PLXNA1: variants seen among roughly 807,000 people sequenced by gnomAD.
The protein encoded by PLXNA1 is plexin A1.
Under a neutral mutation model 191.7 loss-of-function variants are expected in PLXNA1, and 77 were observed. The observed-to-expected ratio is 0.40, with a 90% confidence interval of 0.33 to 0.49. The LOEUF (loss-of-function observed/expected upper bound fraction) is 0.49, where lower values mean the gene tolerates loss of function less well. Ranked by LOEUF, PLXNA1 falls within the 20% of genes least tolerant of loss-of-function variation. PLXNA1 has a pLI of 0.63. For missense variants in PLXNA1, 2,110 were observed against 2,660.2 expected, an observed-to-expected ratio of 0.79 and a Z score of 4.55; for synonymous variants, 1,137 against 1,156.4, an observed-to-expected ratio of 0.98 and a Z score of 0.34.
chr3:127,028,663 G>A (rs905220334), intron 25 of PLXNA1: 5 of 524,526 alleles, frequency 9.5e-6, no homozygotes, highest in Non-Finnish European at 1.7e-5. Context: ...GGACGGGTTT[G>A]GGGTGGGGCC....
chr3:127,021,863 A>G (rs1239401677), intron 21 of PLXNA1, among the ~76,000 whole-genome samples: 1 of 152,166 alleles, frequency 6.6e-6, no homozygotes, highest in Non-Finnish European at 1.5e-5. Context: ...GGCAACAGGC[A>G]GTGGTGGCAG....
chr3:126,991,788 G>A (rs925853041), intron 3 of PLXNA1, among the ~76,000 whole-genome samples: 12 of 152,166 alleles, frequency 7.9e-5, no homozygotes, highest in Admixed American at 7.2e-4. Flanking sequence ...CACTAAGCAA[G>A]GACACTTTGA....
At chr3:127,022,455 G>A in intron 22 of PLXNA1, 114 bp downstream of exon 22, 1 of 1,363,764 alleles carries the variant, frequency 7.3e-7, no homozygotes, top group Middle Eastern at 1.9e-4. Flanking sequence ...GGGCAGGGGT[G>A]GGAGGACTCA....
chr3:127,014,191 A>G lies in PLXNA1; in HGVS notation c.2420A>G (p.Tyr807Cys), dbSNP rs778949968. Residue 807 changes from tyrosine to cysteine, a missense_variant, in exon 12 of 32, where the codon TAC becomes TGC. Transcript: ENST00000393409. The part of the protein sequence containing the change: ...DNPQNIQAHL[Y>C]KCPALRESCG... ...GCACCCCTCCCCACAGCGCACCTCTACAAGTGCCCGGCCCTGCGCGAGAGC... is the reference window on the plus strand; with the variant it reads ...GCACCCCTCCCCACAGCGCACCTCTGCAAGTGCCCGGCCCTGCGCGAGAGC... 2 of 1,610,184 alleles carry G rather than the reference A, an allele frequency of 1.2e-6. No homozygotes were observed. Among genetic ancestry groups the G allele is most frequent in the South Asian group, 2.2e-5 (2 of 90,944 alleles).
In PLXNA1 at chr3:127,022,175, G is replaced by A. The variant is rs376356302; in HGVS notation, c.4129G>A (p.Ala1377Thr). 7.4e-6 allele frequency: 12 copies of A among 1,613,260 alleles called. No homozygotes were observed. The highest frequency in any genetic ancestry group is 1.0e-5 in the Non-Finnish European group (12 of 1,179,982). ...GCTGACCTTCATCCGCACGCTGGAG[G>A]CACAGCGCAGCTTCTCCATGCGCGA... ...FLLTFIRTLE[A>T]QRSFSMRDRG... Residue 1377 changes from alanine to threonine, a missense_variant, in exon 22 of 32, where the codon GCA (alanine) becomes ACA (threonine). Around this residue, in one of 4 missense-constraint regions of PLXNA1, gnomAD observed 559 missense variants for 911.5 expected, o/e 0.61. Coordinates refer to ENST00000393409, the MANE Select transcript of PLXNA1 (RefSeq NM_032242.4).
At position 127,034,147 on chromosome 3, in the gene PLXNA1, C is replaced by A; in HGVS notation, c.*130C>A. 1.3e-6 allele frequency: 1 copy of A among 791,538 alleles called. No homozygotes were observed. The highest frequency in any genetic ancestry group is 2.0e-6 in the Non-Finnish European group (1 of 500,472). 49.0% of individuals were successfully genotyped at this position (791,538 alleles called of 1,614,324 possible). ...GCCGCAGTGCAGCGACTGCCCGGCC[C>A]TCCCTCCCCTGCCTCACCCGGTCGG... On this transcript the variant is annotated 3_prime_UTR_variant, in exon 32 of 32. Coordinates refer to ENST00000393409, the MANE Select transcript of PLXNA1 (RefSeq NM_032242.4).
chr3:127,003,344 C>G lies in PLXNA1; in HGVS notation c.1392C>G (p.Leu464=). 6.2e-7 allele frequency: 1 copy of G among 1,603,970 alleles called. No individual in the cohort carries two copies. Among genetic ancestry groups the G allele is most frequent in the South Asian group, 1.1e-5 (1 of 90,606 alleles). ...TGCTGCCGCAGATCCTGGTGGACCT[C>G]TCAAACCCCGGTGGCCGGCCTGCCC... ...SGRIRKILVD[L]SNPGGRPALA... is the part of the protein sequence containing the mutation. The change falls in exon 4 of 32, where the codon CTC becomes CTG. Residue 464 remains leucine, a synonymous_variant. Transcript: ENST00000393409.
chr3:127,028,336 C>T lies in PLXNA1; in HGVS notation c.4665C>T (p.Asp1555=). The change falls in exon 25 of 32, where the codon GAC becomes GAT. Residue 1555 remains aspartate (D), a synonymous_variant. Transcript: ENST00000393409. ...AGCGGCCCAAGGCCGCGGACATGGA[C>T]CTGGGTGAGCGGGCGGGGCCACGGC... The part of the protein sequence containing the change: ...YSQRPKAADM[D]LEWRQGRMAR... 2 of 1,609,862 alleles carry T rather than the reference C, an allele frequency of 1.2e-6. No individual in the cohort carries two copies. The highest frequency in any genetic ancestry group is 1.7e-6 in the Non-Finnish European group (2 of 1,179,076).
chr3:127,015,053 GC>G, intron 14 of PLXNA1, 130 bp from the exon 15 acceptor site: 1 of 1,394,350 alleles, frequency 7.2e-7, no homozygotes, highest in Non-Finnish European at 9.7e-7. Context: ...GCTCTGAAGT[GC>G]AGCTCCCGGG....
rs765821774 is a variant in PLXNA1 at position 127,014,799 on chromosome 3, C to T, written c.2845C>T (p.Arg949Cys). ...VCVRDCSPHYRALSPKRFTFV... is the reference protein window; with the variant it reads ...VCVRDCSPHYCALSPKRFTFV... ...TGTGCGGGACTGCTCACCACACTACCGCGCCCTGTCACCCAAGCGCTTCAC... is the reference window on the plus strand; with the variant it reads ...TGTGCGGGACTGCTCACCACACTACTGCGCCCTGTCACCCAAGCGCTTCAC... Residue 949 changes from arginine to cysteine, a missense_variant, in exon 14 of 32, where the codon CGC becomes TGC. Physicochemically the swap from Arg to Cys is radical, Grantham distance 180. Coordinates refer to ENST00000393409, the MANE Select transcript of PLXNA1 (RefSeq NM_032242.4). 1.9e-6 allele frequency: 3 copies of T among 1,612,594 alleles called. No individual in the cohort carries two copies. The highest frequency in any genetic ancestry group is 1.1e-5 in the South Asian group (1 of 91,050).
At position 127,033,849 on chromosome 3, in the gene PLXNA1, G is replaced by C. The variant is rs568208421; in HGVS notation, c.5596-73G>C. The C allele has an allele frequency of 8.3e-5, 107 of 1,294,494 alleles. No homozygotes were observed. The African/African-American group carries it at 1.4e-3, about 17-fold the overall frequency. The allele number at this position is 1,294,494 out of a possible 1,614,324, so 80.2% of individuals were successfully genotyped here. A position where few individuals can be genotyped will look rare whatever the true frequency, so the allele number is the denominator to read the frequency against. ...TGAACCTCTGGCACCTACTCTGGAG[G>C]CATCTGCCCTGGGCCTGCTGAGTGC... is the stretch of plus-strand genomic sequence containing the variant. On this transcript the variant is annotated intron_variant, in intron 31 of 31. Transcript: ENST00000393409.
intron 31 of PLXNA1, 59 bp from the exon 32 acceptor site, chr3:127,033,863 C>A: frequency 1.4e-6 from 2 of 1,436,034 alleles, no homozygotes; most frequent in East Asian, 2.4e-5. Context: ...CTGCCCTGGG[C>A]CTGCTGAGTG....
chr3:127,030,907 C>G (rs1278858874), intron 29 of PLXNA1, among the ~76,000 whole-genome samples: 1 of 152,178 alleles, frequency 6.6e-6, no homozygotes, highest in Non-Finnish European at 1.5e-5. Flanking sequence ...CACGGAGCAG[C>G]TGGAGTACGG....
At chr3:127,018,552 G>T (rs1187038898) in intron 20 of PLXNA1, 24 bp downstream of exon 20, 3 of 1,574,594 alleles carry the variant, frequency 1.9e-6, no homozygotes, top group Non-Finnish European at 8.7e-7. Flanking sequence ...AGGGCTCACT[G>T]GGGCAACTGC....
intron 3 of PLXNA1, among the ~76,000 whole-genome samples, chr3:126,993,069 C>T (rs1210252144): frequency 6.6e-6 from 1 of 152,170 alleles, no homozygotes; most frequent in African/African-American, 2.4e-5. Flanking sequence ...TCCTGCTGCC[C>T]AGCACTCACC....
Position 127,014,811 on chromosome 3 carries a change from C to A in PLXNA1, c.2857C>A (p.Pro953Thr), listed in dbSNP as rs1377617484. The change falls in exon 14 of 32, where the codon CCC becomes ACC. Residue 953 changes from proline to threonine, a missense_variant. Physicochemically the swap from Pro to Thr is conservative, Grantham distance 38. Coordinates refer to ENST00000393409, the MANE Select transcript of PLXNA1 (RefSeq NM_032242.4). ...DCSPHYRALS[P>T]KRFTFVTPTF... ...CTCACCACACTACCGCGCCCTGTCACCCAAGCGCTTCACCTTCGTGGTGAG... is the reference window on the plus strand; with the variant it reads ...CTCACCACACTACCGCGCCCTGTCAACCAAGCGCTTCACCTTCGTGGTGAG... 3.1e-6 allele frequency: 5 copies of A among 1,612,612 alleles called. No homozygotes were observed. The highest frequency in any genetic ancestry group is 4.2e-6 in the Non-Finnish European group (5 of 1,179,856).
chr3:127,012,853 TA>T (rs1161353913), intron 10 of PLXNA1, among the ~76,000 whole-genome samples: 1 of 152,220 alleles, frequency 6.6e-6, no homozygotes, highest in Non-Finnish European at 1.5e-5. Flanking sequence ...GCACTCCCAG[TA>T]GGCCTCTGTC....
chr3:127,017,674 C>T lies in PLXNA1; in HGVS notation c.3516+10C>T. 1 of 1,613,342 alleles carries T rather than the reference C, an allele frequency of 6.2e-7. No individual in the cohort carries two copies. The highest frequency in any genetic ancestry group is 1.1e-5 in the South Asian group (1 of 91,086). ...CCCACTCATCCTCAAGGTGGGTCAC[C>T]ATTGCCCGTAGGCTGGGCCAAGCCA... is the stretch of plus-strand genomic sequence containing the variant. On this transcript the variant is annotated intron_variant, in intron 18 of 31. Transcript: ENST00000393409.
chr3:127,004,357 A>T (rs1052110040), intron 4 of PLXNA1, among the ~76,000 whole-genome samples: 16 of 152,210 alleles, frequency 1.1e-4, no homozygotes, highest in African/African-American at 3.4e-4. Flanking sequence ...TTGAAGCTGC[A>T]GGTGCTTCTT....
Sources: gnomAD v4.1 joint callset for allele counts (sites outside exome capture counted in the v4.1 genomes callset) on GRCh38, gnomAD v4.1.1 for gene constraint, gnomAD v4.1.1 regional missense constraint, MANE v1.5 for transcripts, NCBI Gene and HGNC (gene_info 2026-07-23, HGNC 2026-07-21) for gene names.